Variants in LRP1B observed in about 807,000 individuals in gnomAD.
LRP1B encodes low-density lipoprotein receptor-related protein 1B.
In LRP1B, 217 loss-of-function variants were observed where a neutral mutation model predicts 556.6. That is an observed-to-expected ratio of 0.39 (90% confidence interval 0.35 to 0.44). The LOEUF is 0.44. LRP1B is among the 20% of genes least tolerant of loss of function. LRP1B has a pLI of 1.00. For synonymous variants in LRP1B, 2,047 were observed against 1,865.8 expected (o/e 1.10, Z -2.50); for missense variants, 5,053 against 5,620.8 (o/e 0.90, Z 3.23).
At chr2:141,007,513 A>G (rs900230131) in intron 14 of LRP1B, among the ~76,000 whole-genome samples, 3 of 151,808 alleles carry the variant, frequency 2.0e-5, no homozygotes, top group Admixed American at 6.6e-5. Flanking sequence ...TAGGAAATGC[A>G]TAAATGCTTT....
chr2:141,157,323 T>A (rs1348456933), intron 7 of LRP1B, among the ~76,000 whole-genome samples: 1 of 152,082 alleles, frequency 6.6e-6, no homozygotes, highest in African/African-American at 2.4e-5. Flanking sequence ...TTCATATATA[T>A]AAAATATACG....
chr2:141,083,840 G>C (rs1006981526), intron 7 of LRP1B, among the ~76,000 whole-genome samples: 6 of 152,022 alleles, frequency 3.9e-5, no homozygotes, highest in African/African-American at 1.4e-4. Context: ...TTCACCCCCC[G>C]ACCTTGGACT....
chr2:140,865,582 T>C (rs1211817557), intron 27 of LRP1B, among the ~76,000 whole-genome samples: 1 of 152,064 alleles, frequency 6.6e-6, no homozygotes, highest in Non-Finnish European at 1.5e-5. Context: ...ATGATTATTA[T>C]ATGCTCAGTG....
chr2:140,949,320 G>T (rs984167801), intron 20 of LRP1B, among the ~76,000 whole-genome samples: 5 of 152,114 alleles, frequency 3.3e-5, no homozygotes, highest in African/African-American at 9.7e-5. Flanking sequence ...ACAGTCTAAT[G>T]ATTTTTTTCT....
intron 75 of LRP1B, among the ~76,000 whole-genome samples, chr2:140,355,807 T>C (rs980630085): frequency 1.3e-5 from 2 of 151,912 alleles, no homozygotes; most frequent in African/African-American, 2.4e-5. Flanking sequence ...CTATAAGATT[T>C]TGGCTATCCT....
chr2:140,360,331 T>A (rs591185), intron 72 of LRP1B, among the ~76,000 whole-genome samples: 52,194 of 151,100 alleles, frequency 0.35, 9,398 homozygotes, highest in Non-Finnish European at 0.4. Context: ...TGAAATTTGG[T>A]CCATTTTCCA....
chr2:141,699,753 A>G (rs2105459977), intron 2 of LRP1B, among the ~76,000 whole-genome samples: 1 of 151,046 alleles, frequency 6.6e-6, no homozygotes, highest in Non-Finnish European at 1.5e-5. Flanking sequence ...TGGCCTTTCC[A>G]GTAGTATTGT....
At chr2:140,755,379 C>A (rs922733921) in intron 35 of LRP1B, among the ~76,000 whole-genome samples, 4 of 151,876 alleles carry the variant, frequency 2.6e-5, no homozygotes, top group Admixed American at 1.3e-4. Context: ...AAATACTGAC[C>A]AACATCTTTT....
chr2:141,627,804 C>T (rs987001237), intron 2 of LRP1B, among the ~76,000 whole-genome samples: 2 of 152,094 alleles, frequency 1.3e-5, no homozygotes, highest in Non-Finnish European at 2.9e-5. Context: ...GCGATACCAA[C>T]ATAGTTTCAT....
chr2:140,388,476 G>T (rs1683864406), intron 66 of LRP1B, among the ~76,000 whole-genome samples: 1 of 151,886 alleles, frequency 6.6e-6, no homozygotes, highest in South Asian at 2.1e-4. Context: ...TTGTATCATA[G>T]TTTGTGTTTA....
chr2:141,082,029 A>G (rs1318364055), intron 7 of LRP1B, among the ~76,000 whole-genome samples: 2 of 152,196 alleles, frequency 1.3e-5, no homozygotes, highest in Admixed American at 1.3e-4. Context: ...TTGTCTCAAT[A>G]AAAATATGAT....
chr2:141,221,088 A>G (rs1683016250), intron 6 of LRP1B, among the ~76,000 whole-genome samples: 1 of 152,214 alleles, frequency 6.6e-6, no homozygotes, highest in South Asian at 2.1e-4. Flanking sequence ...AAATGCCCCA[A>G]TTAAAAGATA....
At chr2:140,941,380 CG>C (rs1695397485) in intron 20 of LRP1B, among the ~76,000 whole-genome samples, 1 of 152,048 alleles carries the variant, frequency 6.6e-6, no homozygotes. Flanking sequence ...AAAGTCAATA[CG>C]GGCAACACAG....
chr2:142,000,777 C>T (rs1702628307), intron 1 of LRP1B, among the ~76,000 whole-genome samples: 1 of 152,094 alleles, frequency 6.6e-6, no homozygotes, highest in South Asian at 2.1e-4. Context: ...GCCTGTTCTA[C>T]ATAGAGAAAA....
chr2:142,033,763 A>T (rs1703783855), intron 1 of LRP1B, among the ~76,000 whole-genome samples: 1 of 151,810 alleles, frequency 6.6e-6, no homozygotes, highest in African/African-American at 2.4e-5. Context: ...AAGTGGAGTT[A>T]TAGAAAGATA....
intron 6 of LRP1B, among the ~76,000 whole-genome samples, chr2:141,218,833 G>A (rs531716315): frequency 6.6e-6 from 1 of 152,272 alleles, no homozygotes; most frequent in South Asian, 2.1e-4. Flanking sequence ...CCAGTCTGCA[G>A]TTCCCACTGA....
At chr2:141,527,772 A>C (rs886865287) in intron 2 of LRP1B, among the ~76,000 whole-genome samples, 2 of 152,130 alleles carry the variant, frequency 1.3e-5, no homozygotes, top group Admixed American at 1.3e-4. Context: ...GACCAAACTT[A>C]AAAATGTGTA....
chr2:141,137,454 G>T (rs1701518629), intron 7 of LRP1B, among the ~76,000 whole-genome samples: 1 of 151,846 alleles, frequency 6.6e-6, no homozygotes, highest in African/African-American at 2.4e-5. Flanking sequence ...AGGTTTCCAG[G>T]AACTGCTTGC....
At chr2:140,901,611 A>G (rs1694107275) in intron 23 of LRP1B, among the ~76,000 whole-genome samples, 1 of 152,066 alleles carries the variant, frequency 6.6e-6, no homozygotes, top group South Asian at 2.1e-4. Context: ...GTACAATTAC[A>G]TTATTTTTGA....
Sources: gnomAD v4.1 joint callset for allele counts (sites outside exome capture counted in the v4.1 genomes callset) on GRCh38, gnomAD v4.1.1 for gene constraint, MANE v1.5 for transcripts, NCBI Gene and HGNC (gene_info 2026-07-23, HGNC 2026-07-21) for gene names.